The following NEK4 variants were observed in gnomAD, a reference collection of about 807,000 sequenced individuals.
NEK4 encodes serine/threonine-protein kinase Nek4.
In NEK4, 86 loss-of-function variants were observed where a neutral mutation model predicts 98.4. That is an observed-to-expected ratio of 0.87 (90% CI 0.73 to 1.05). The LOEUF is 1.05. Among genes scored for constraint, NEK4 ranks in the 50% least tolerant of loss-of-function variants. The pLI is 0.00. For synonymous variants in NEK4, 328 were observed against 342.2 expected (o/e 0.96, Z 0.46); for missense variants, 898 against 950.3 (o/e 0.94, Z 0.72).
At chr3:52,758,320 G>A (rs1420168255) in intron 6 of NEK4, among the ~76,000 whole-genome samples, 1 of 151,894 alleles carries the variant, frequency 6.6e-6, no homozygotes, top group Admixed American at 6.6e-5. Flanking sequence ...ATGAAGATGA[G>A]GGGTGATGGC....
chr3:52,768,604 A>G lies in NEK4; in HGVS notation c.94T>C (p.Tyr32His). 6.2e-7 allele frequency: 1 copy of G among 1,613,046 alleles called. No individual in the cohort carries two copies. The highest frequency in any genetic ancestry group is 8.5e-7 in the Non-Finnish European group (1 of 1,179,192). Residue 32 changes from tyrosine (Y) to histidine (H), a missense_variant and splice_region_variant, in exon 2 of 16, where the codon TAT (tyrosine) becomes CAT (histidine). By Grantham distance (83) the Tyr-to-His change is moderately conservative (BLOSUM62 2). Transcript: ENST00000233027. ...LVKHRRDGKQ[Y>H]VIKKLNLRNA... ...CGGAGGTTCAGTTTTTTGATGACAT[A>G]CTAAAAACAAACCATGTATTTTTAC...
intron 5 of NEK4, among the ~76,000 whole-genome samples, chr3:52,762,970 T>G (rs765399957): frequency 4.6e-5 from 7 of 152,304 alleles, no homozygotes; most frequent in Non-Finnish European, 5.9e-5. Context: ...AACTCCCATA[T>G]GAAATACGTC....
intron 9 of NEK4, 32 bp from the exon 10 acceptor site, chr3:52,746,242 T>G: frequency 6.2e-7 from 1 of 1,601,872 alleles, no homozygotes; most frequent in Non-Finnish European, 8.5e-7. Context: ...ATTATCAGTT[T>G]CATATATAGC....
In NEK4 at chr3:52,727,184, G is replaced by A. The variant is rs369322387; in HGVS notation, c.2433+10402C>T. On this transcript the variant is annotated intron_variant, in intron 15 of 15. Transcript: ENST00000233027. The stretch of plus-strand genomic sequence containing the variant: ...AGACAGAGTTTCACCATGTTGGTCA[G>A]GCTGGTCTCGAATTCCTGACCTTGG... Among the ~76,000 whole-genome samples the A allele has an allele frequency of 3.2e-3, 488 of 152,118 alleles. 2 individuals carry two copies. Among genetic ancestry groups the A allele is most frequent in the South Asian group, 6.0e-3 (29 of 4,804 alleles).
At chr3:52,750,879 T>C (rs752501026) in intron 7 of NEK4, among the ~76,000 whole-genome samples, 1 of 152,106 alleles carries the variant, frequency 6.6e-6, no homozygotes, top group Non-Finnish European at 1.5e-5. Flanking sequence ...TGCAGTGAGC[T>C]GTGTTTGCAC....
chr3:52,761,983 T>G (rs547462428), intron 5 of NEK4, among the ~76,000 whole-genome samples: 145 of 152,312 alleles, frequency 9.5e-4, no homozygotes, highest in African/African-American at 3.2e-3. Context: ...TGGAGATCAG[T>G]ACACTGGAAG....
Position 52,752,047 on chromosome 3 carries a change from C to G in NEK4, c.1253G>C (p.Ser418Thr), listed in dbSNP as rs369060197. The change falls in exon 7 of 16, where the codon AGT becomes ACT. Residue 418 changes from serine (S) to threonine (T), a missense_variant. Coordinates refer to ENST00000233027, the MANE Select transcript of NEK4 (RefSeq NM_003157.6). Reference protein sequence around the residue: ...EEMLQDNTKSSAQPENLIPMW... With the variant: ...EEMLQDNTKSTAQPENLIPMW... Reference sequence around the variant, plus strand: ...GGGAATCAGGTTTTCAGGCTGGGCACTGGATTTAGTGTTGTCCTGCAGCAT... The same window carrying G: ...GGGAATCAGGTTTTCAGGCTGGGCAGTGGATTTAGTGTTGTCCTGCAGCAT... The G allele has an allele frequency of 6.2e-7, 1 of 1,614,210 alleles. No individual in the cohort carries two copies. The highest frequency in any genetic ancestry group is 1.1e-5 in the South Asian group (1 of 91,090).
chr3:52,730,284 A>G lies in NEK4; in HGVS notation c.2433+7302T>C, dbSNP rs552350093. ...CCCATAACTAGTGTAAGGAGAATGA[A>G]TCAATCATCAACAAACTCCCAAAAA... is the stretch of plus-strand genomic sequence containing the variant. On this transcript the variant is annotated intron_variant, in intron 15 of 15. Transcript: ENST00000233027. 2.0e-5 allele frequency among the ~76,000 whole-genome samples: 3 copies of G among 152,318 alleles called. No individual in the cohort carries two copies. In the South Asian group the frequency reaches 6.2e-4, roughly 32 times the overall value.
intron 2 of NEK4, among the ~76,000 whole-genome samples, chr3:52,766,626 C>A (rs1366447408): frequency 6.6e-6 from 1 of 152,166 alleles, no homozygotes; most frequent in Non-Finnish European, 1.5e-5. Context: ...TACCCAGTAC[C>A]CATCAAAACT....
At chr3:52,736,050 C>T (rs1289800966) in intron 15 of NEK4, among the ~76,000 whole-genome samples, 4 of 152,186 alleles carry the variant, frequency 2.6e-5, no homozygotes, top group Admixed American at 6.5e-5. Context: ...AGGAAAAACC[C>T]GACTATGTCT....
intron 15 of NEK4, among the ~76,000 whole-genome samples, chr3:52,720,637 A>G (rs2097359252): frequency 2.0e-5 from 3 of 152,242 alleles, no homozygotes; most frequent in South Asian, 4.1e-4. Flanking sequence ...GCTCCAAAAA[A>G]CTGTCAAACA....
chr3:52,724,061 T>C (rs1442503366), intron 15 of NEK4, among the ~76,000 whole-genome samples: 3 of 152,120 alleles, frequency 2.0e-5, no homozygotes, highest in Non-Finnish European at 4.4e-5. Context: ...GGTGAAACCC[T>C]GTCTCTACTA....
chr3:52,768,622 A>ACT lies in NEK4; in HGVS notation c.94-19_94-18insAG. ...ATGACATACTAAAAACAAACCATGT[A>ACT]TTTTTACAATGTGCAAATAAACGTA... On this transcript the variant is annotated intron_variant, in intron 1 of 15. Transcript: ENST00000233027. 1 of 1,610,400 alleles carries ACT rather than the reference A, an allele frequency of 6.2e-7. No individual in the cohort carries two copies. The highest frequency in any genetic ancestry group is 2.2e-5 in the East Asian group (1 of 44,832).
At chr3:52,752,917 A>AAAAAAAAAAAAAAAAATATATAT (rs1341504051) in intron 6 of NEK4, among the ~76,000 whole-genome samples, 1 of 83,952 alleles carries the variant, frequency 1.2e-5, no homozygotes, top group Non-Finnish European at 2.5e-5. Flanking sequence ...AAAAAAAAAA[A>AAAAAAAAAAAAAAAAATATATAT]ATATATATAT....
intron 5 of NEK4, among the ~76,000 whole-genome samples, chr3:52,762,010 G>C (rs1304359641): frequency 6.6e-6 from 1 of 152,180 alleles, no homozygotes; most frequent in Non-Finnish European, 1.5e-5. Context: ...GGTCTGCTTG[G>C]TGGGAAATTA....
intron 15 of NEK4, chr3:52,733,524 T>C (rs947616028): frequency 7.0e-5 from 34 of 486,510 alleles, no homozygotes; most frequent in South Asian, 3.7e-4. Context: ...CAGAAAAACC[T>C]TACACACGTA....
intron 8 of NEK4, among the ~76,000 whole-genome samples, chr3:52,748,258 T>G (rs13087772): frequency 0.34 from 51,429 of 151,820 alleles, 9,719 homozygotes; most frequent in Admixed American, 0.46. Context: ...TGAGCCACTG[T>G]GCCTGGCCAA....
At chr3:52,754,733 G>T in intron 6 of NEK4, 1 of 465,852 alleles carries the variant, frequency 2.1e-6, no homozygotes. Flanking sequence ...TTTCCTGCTG[G>T]ACTCTGGACT....
At chr3:52,736,537 G>C (rs2097376231) in intron 15 of NEK4, among the ~76,000 whole-genome samples, 1 of 150,702 alleles carries the variant, frequency 6.6e-6, no homozygotes. Context: ...AGTGAGCTGA[G>C]ATCGCACCAC....
Sources: allele counts gnomAD v4.1 joint callset (sites outside exome capture counted in the v4.1 genomes callset), GRCh38; gene constraint gnomAD v4.1.1; transcripts MANE v1.5; gene names NCBI Gene and HGNC (gene_info 2026-07-23, HGNC 2026-07-21).